The following NUP155 variants were observed in gnomAD, a reference collection of about 807,000 sequenced individuals.
NUP155 encodes nucleoporin 155.
NUP155 carries 71 observed loss-of-function variants against 180.4 expected under a neutral mutation model. That is an observed-to-expected ratio of 0.39 (90% CI 0.33 to 0.48). The LOEUF (loss-of-function observed/expected upper bound fraction) is 0.48. Among genes scored for constraint, NUP155 ranks in the 20% least tolerant of loss-of-function variants. NUP155 has a pLI of 0.91. For synonymous variants in NUP155, 582 were observed against 559.5 expected, an observed-to-expected ratio of 1.04 and a Z score of -0.57; for missense variants, 1,553 against 1,648.9, an observed-to-expected ratio of 0.94 and a Z score of 1.01.
intron 1 of NUP155, among the ~76,000 whole-genome samples, chr5:37,365,859 C>G (rs1482611593): frequency 2.0e-5 from 3 of 149,374 alleles, no homozygotes; most frequent in Non-Finnish European, 4.4e-5. Flanking sequence ...TAGTGTTTTT[C>G]TATCATTTTG....
chr5:37,333,774 ACTAT>A (rs1745133824), intron 12 of NUP155, 141 bp from the exon 13 acceptor site: 5 of 701,434 alleles, frequency 7.1e-6, no homozygotes, highest in Admixed American at 2.8e-5. Flanking sequence ...GTAATTTTCT[ACTAT>A]CTTTTTTTTA....
chr5:37,333,779 C>CT (rs1363610999), intron 12 of NUP155, 146 bp from the exon 13 acceptor site: 21 of 676,316 alleles, frequency 3.1e-5, no homozygotes, highest in Non-Finnish European at 3.4e-5. Context: ...TTTCTACTAT[C>CT]TTTTTTTTAA....
At chr5:37,359,033 G>A (rs918279276) in intron 3 of NUP155, among the ~76,000 whole-genome samples, 1 of 151,770 alleles carries the variant, frequency 6.6e-6, no homozygotes, top group Non-Finnish European at 1.5e-5. Flanking sequence ...AAAAGACTGG[G>A]AGAGGTGGCT....
intron 20 of NUP155, among the ~76,000 whole-genome samples, chr5:37,322,828 C>G (rs1478240071): frequency 6.6e-6 from 1 of 151,372 alleles, no homozygotes; most frequent in Non-Finnish European, 1.5e-5. Flanking sequence ...GAAAAATTAG[C>G]TGGGCATGGT....
At chr5:37,336,245 C>T (rs1391481484) in intron 12 of NUP155, among the ~76,000 whole-genome samples, 1 of 152,040 alleles carries the variant, frequency 6.6e-6, no homozygotes, top group Non-Finnish European at 1.5e-5. Flanking sequence ...GTTTGGGAAG[C>T]CAAGGTGGGA....
chr5:37,296,817 A>G lies in NUP155; in HGVS notation c.3793+2051T>C, dbSNP rs1742606372. ...AATGCCCCACCCCTAGATTTATTTG[A>G]CAGTTCTAACTGTGGCCTCATTCTT... is the stretch of plus-strand genomic sequence containing the variant. On this transcript the variant is annotated intron_variant, in intron 32 of 34. Coordinates refer to ENST00000231498, the MANE Select transcript of NUP155 (RefSeq NM_153485.3). Among the ~76,000 whole-genome samples, 3 of 152,222 alleles carry G rather than the reference A, an allele frequency of 2.0e-5. No homozygotes were observed. The South Asian group carries it at 6.2e-4, about 32-fold the overall frequency.
intron 17 of NUP155, 73 bp downstream of exon 17, chr5:37,328,285 A>C: frequency 9.2e-7 from 1 of 1,092,592 alleles, no homozygotes; most frequent in South Asian, 1.3e-5. Context: ...TCTTTTTCAC[A>C]CTAAGCATTA....
chr5:37,311,224 G>T (rs1561775226), intron 22 of NUP155, among the ~76,000 whole-genome samples: 1 of 152,154 alleles, frequency 6.6e-6, no homozygotes, highest in Non-Finnish European at 1.5e-5. Context: ...TTCTGTTAGT[G>T]ATGTGACTGC....
chr5:37,365,833 T>A (rs1181507831), intron 1 of NUP155, among the ~76,000 whole-genome samples: 2 of 138,270 alleles, frequency 1.4e-5, no homozygotes, highest in Non-Finnish European at 1.6e-5. Flanking sequence ...AATAAAAAAA[T>A]TTAAAAATAA....
At chr5:37,307,121 C>T (rs1391145269) in intron 25 of NUP155, among the ~76,000 whole-genome samples, 176 bp downstream of exon 25, 2 of 149,934 alleles carry the variant, frequency 1.3e-5, no homozygotes, top group South Asian at 2.1e-4. Context: ...TAGCTTGAAC[C>T]TGGGAGGCAG....
At chr5:37,345,811 G>A (rs1161039293) in intron 9 of NUP155, among the ~76,000 whole-genome samples, 1 of 151,388 alleles carries the variant, frequency 6.6e-6, no homozygotes, top group Non-Finnish European at 1.5e-5. Context: ...GGGTGAGGCA[G>A]GAGCATTGCT....
In NUP155 at chr5:37,291,948, G is replaced by A; in HGVS notation, c.4128C>T (p.Ile1376=). The A allele has an allele frequency of 6.2e-7, 1 of 1,613,960 alleles. No individual in the cohort carries two copies. Among genetic ancestry groups the A allele is most frequent in the Non-Finnish European group, 8.5e-7 (1 of 1,179,858 alleles). The change falls in exon 35 of 35, where the codon ATC becomes ATT. Residue 1376 remains isoleucine, a synonymous_variant. Transcript: ENST00000231498. ...SMSSSVAVQA[I]TGNFKSLQAK... ...CTTGAAGAGATTTAAAATTCCCAGT[G>A]ATGGCTTGTACTGCTACTGACGAGC... is the stretch of plus-strand genomic sequence containing the variant.
At chr5:37,351,860 C>A (rs1040619104) in intron 5 of NUP155, among the ~76,000 whole-genome samples, 4 of 146,742 alleles carry the variant, frequency 2.7e-5, no homozygotes, top group Admixed American at 1.4e-4. Context: ...ACAGAACCTG[C>A]AGAGTGTGTG....
At chr5:37,338,087 G>A (rs1381704768) in intron 11 of NUP155, among the ~76,000 whole-genome samples, 169 bp from the exon 12 acceptor site, 5 of 152,074 alleles carry the variant, frequency 3.3e-5, no homozygotes, top group Admixed American at 2.6e-4. Context: ...TTTGGAGGAT[G>A]AGGTGGGTGG....
intron 24 of NUP155, among the ~76,000 whole-genome samples, chr5:37,308,547 A>C (rs1743313592): frequency 6.6e-6 from 1 of 151,916 alleles, no homozygotes; most frequent in Non-Finnish European, 1.5e-5. Flanking sequence ...AATACAAAAA[A>C]ATTAGCCGGG....
chr5:37,318,230 A>T, intron 20 of NUP155, 145 bp from the exon 21 acceptor site: 1 of 661,280 alleles, frequency 1.5e-6, no homozygotes, highest in South Asian at 1.6e-5. Flanking sequence ...GCTGATGGCC[A>T]GAAAAAATTT....
intron 31 of NUP155, 101 bp downstream of exon 31, chr5:37,299,347 G>A: frequency 7.1e-7 from 1 of 1,402,460 alleles, no homozygotes; most frequent in Non-Finnish European, 1.0e-6. Context: ...CAATTTTCAT[G>A]AGCCACTAGC....
chr5:37,370,631 T>C (rs1223395232), intron 1 of NUP155, 190 bp downstream of exon 1: 2 of 1,518,020 alleles, frequency 1.3e-6, no homozygotes, highest in Non-Finnish European at 1.8e-6. Flanking sequence ...CCCTCTCAAG[T>C]ATCTACAATG....
At chr5:37,304,970 C>T in intron 26 of NUP155, 87 bp downstream of exon 26, 2 of 1,549,556 alleles carry the variant, frequency 1.3e-6, no homozygotes, top group Non-Finnish European at 1.8e-6. Context: ...AGAACTACCA[C>T]CTTTCCCCAA....
Sources: gnomAD v4.1 joint callset for allele counts (sites outside exome capture counted in the v4.1 genomes callset) on GRCh38, gnomAD v4.1.1 for gene constraint, MANE v1.5 for transcripts, NCBI Gene and HGNC (gene_info 2026-07-23, HGNC 2026-07-21) for gene names.